The following ATP8B4 variants were observed in gnomAD, a reference collection of about 807,000 sequenced individuals.
ATP8B4 encodes the protein ATPase phospholipid transporting 8B4 (putative), also known as probable phospholipid-transporting ATPase IM.
A neutral mutation model predicts 145.6 loss-of-function variants in ATP8B4; 133 were observed. That is an observed-to-expected ratio of 0.91 (90% CI 0.79 to 1.05). The LOEUF is 1.05. ATP8B4 is among the 50% of genes least tolerant of loss of function. The probability of loss-of-function intolerance (pLI) is 0.00; values close to 1 mark genes in which losing one functional copy is unlikely to be tolerated. For synonymous variants in ATP8B4, 507 were observed against 492.9 expected (o/e 1.03, Z -0.38); for missense variants, 1,458 against 1,425.2 (o/e 1.02, Z -0.37).
At chr15:50,127,492 C>G (rs148647248) in intron 1 of ATP8B4, among the ~76,000 whole-genome samples, 64 of 152,270 alleles carry the variant, frequency 4.2e-4, no homozygotes, top group African/African-American at 1.5e-3. Context: ...AGTTTGCCAT[C>G]ATCTCAGTAT....
At chr15:50,083,193 C>T (rs1474231754) in intron 2 of ATP8B4, among the ~76,000 whole-genome samples, 2 of 152,160 alleles carry the variant, frequency 1.3e-5, no homozygotes, top group Non-Finnish European at 2.9e-5. Flanking sequence ...CTGGGAAGGC[C>T]TTCCTGTAGT....
Position 49,979,752 on chromosome 15 carries a change from C to T in ATP8B4, c.899G>A (p.Ser300Asn), listed in dbSNP as rs1330945900. Residue 300 changes from serine to asparagine, a missense_variant, in exon 12 of 28, where the codon AGT (serine) becomes AAT (asparagine). Coordinates refer to ENST00000284509, the MANE Select transcript of ATP8B4 (RefSeq NM_024837.4). ...ILAIGNSIWE[S>N]QTGDQFRTFL... ...AGTTCTGAATTGGTCCCCAGTTTGACTCTCCCAGATTGAATTTCCTATTGC... is the reference window on the plus strand; with the variant it reads ...AGTTCTGAATTGGTCCCCAGTTTGATTCTCCCAGATTGAATTTCCTATTGC... 1 of 1,611,272 alleles carries T rather than the reference C, an allele frequency of 6.2e-7. No homozygotes were observed. Among genetic ancestry groups the T allele is most frequent in the Admixed American group, 1.7e-5 (1 of 59,876 alleles).
intron 1 of ATP8B4, among the ~76,000 whole-genome samples, chr15:50,116,637 C>T (rs949397711): frequency 8.5e-5 from 13 of 152,152 alleles, no homozygotes; most frequent in Non-Finnish European, 1.3e-4. Context: ...GGACAGAGGA[C>T]GAGGAACAAG....
intron 5 of ATP8B4, among the ~76,000 whole-genome samples, chr15:50,041,726 G>A (rs886903145): frequency 4.6e-5 from 7 of 152,202 alleles, no homozygotes; most frequent in African/African-American, 1.7e-4. Flanking sequence ...GGCAGATCAC[G>A]AGGTCAGATC....
At chr15:49,862,111 G>T in intron 27 of ATP8B4, 134 bp downstream of exon 27, 2 of 1,136,338 alleles carry the variant, frequency 1.8e-6, no homozygotes, top group Non-Finnish European at 2.5e-6. Context: ...ATTCTGATGT[G>T]ATCTCATGCA....
chr15:50,084,088 C>T (rs1482520941), intron 2 of ATP8B4, among the ~76,000 whole-genome samples: 1 of 152,118 alleles, frequency 6.6e-6, no homozygotes, highest in African/African-American at 2.4e-5. Flanking sequence ...ATATACAAAC[C>T]ATGGAGTGTG....
Position 50,041,719 on chromosome 15 carries a change from A to T in ATP8B4, c.300+2875T>A, listed in dbSNP as rs150426278. On this transcript the variant is annotated intron_variant, in intron 5 of 27. Coordinates refer to ENST00000284509, the MANE Select transcript of ATP8B4 (RefSeq NM_024837.4). ...AGGACTTTGAGAAGCCAAGGCAGGC[A>T]GATCACGAGGTCAGATCGAGACCAT... 9.5e-4 allele frequency among the ~76,000 whole-genome samples: 145 copies of T among 152,326 alleles called. 3 individuals are homozygous for T. The East Asian group carries it at 0.023, about 24-fold the overall frequency.
intron 9 of ATP8B4, among the ~76,000 whole-genome samples, chr15:49,994,062 T>A (rs1305106502): frequency 6.6e-6 from 1 of 152,180 alleles, no homozygotes; most frequent in Non-Finnish European, 1.5e-5. Context: ...TCCTTTAACT[T>A]CTCAAGACCT....
chr15:50,145,118 T>C (rs2044260638), intron 1 of ATP8B4, among the ~76,000 whole-genome samples: 1 of 152,246 alleles, frequency 6.6e-6, no homozygotes. Context: ...AAAATGAACC[T>C]TGATATTTAG....
chr15:50,039,196 T>G (rs2051078360), intron 5 of ATP8B4, among the ~76,000 whole-genome samples: 1 of 152,258 alleles, frequency 6.6e-6, no homozygotes, highest in Non-Finnish European at 1.5e-5. Context: ...TTCTCTCCCA[T>G]GTGTACTGAA....
At chr15:50,051,407 A>C (rs2153612741) in intron 3 of ATP8B4, among the ~76,000 whole-genome samples, 1 of 152,342 alleles carries the variant, frequency 6.6e-6, no homozygotes, top group Non-Finnish European at 1.5e-5. Flanking sequence ...AACATTTGTC[A>C]GGAATCAAGG....
At chr15:49,948,865 T>A (rs530169169) in intron 14 of ATP8B4, among the ~76,000 whole-genome samples, 209 of 152,336 alleles carry the variant, frequency 1.4e-3, no homozygotes, top group African/African-American at 5.0e-3. Flanking sequence ...TGTAATGAAG[T>A]CTTTGCCCAT....
Position 50,158,016 on chromosome 15 carries a change from T to G in ATP8B4, c.-43+24245A>C, listed in dbSNP as rs546615272. Among the ~76,000 whole-genome samples the G allele has an allele frequency of 1.6e-4, 25 of 152,324 alleles. No individual in the cohort carries two copies. In the South Asian group the frequency reaches 5.0e-3, roughly 30 times the overall value. ...AAGTGATCCGCCAGCCTCGGCCTCC[T>G]GAGGTGCCGGGATTGCAGACGGAGT... On this transcript the variant is annotated intron_variant, in intron 1 of 3. Transcript: ENST00000558829.
chr15:50,140,298 T>C (rs1341517883), intron 1 of ATP8B4, among the ~76,000 whole-genome samples: 2 of 152,138 alleles, frequency 1.3e-5, no homozygotes, highest in Admixed American at 6.5e-5. Context: ...CAAAGCCTAG[T>C]AATGTGATAA....
chr15:50,066,019 G>T (rs1345924646), intron 3 of ATP8B4, among the ~76,000 whole-genome samples: 1 of 137,872 alleles, frequency 7.3e-6, no homozygotes, highest in Non-Finnish European at 1.6e-5. Flanking sequence ...AAAAAAAAAA[G>T]ATTAAAACAG....
intron 14 of ATP8B4, among the ~76,000 whole-genome samples, chr15:49,959,556 A>T (rs1599435343): frequency 1.3e-5 from 2 of 152,152 alleles, no homozygotes; most frequent in Non-Finnish European, 2.9e-5. Flanking sequence ...GTATGGTTAT[A>T]TACTTGGAAA....
chr15:49,995,504 G>A (rs1239843785), intron 9 of ATP8B4, among the ~76,000 whole-genome samples: 2 of 152,012 alleles, frequency 1.3e-5, no homozygotes, highest in Non-Finnish European at 2.9e-5. Context: ...TCAATTCGGA[G>A]GAATTTTTTT....
intron 6 of ATP8B4, among the ~76,000 whole-genome samples, chr15:50,019,268 A>G (rs2049339817): frequency 6.6e-6 from 1 of 152,222 alleles, no homozygotes; most frequent in Non-Finnish European, 1.5e-5. Context: ...ACTGGAAAAC[A>G]TGCACTTGAG....
chr15:50,019,316 T>C (rs954500561), intron 6 of ATP8B4, among the ~76,000 whole-genome samples: 5 of 152,114 alleles, frequency 3.3e-5, no homozygotes, highest in East Asian at 1.9e-4. Flanking sequence ...AGGCAAGATA[T>C]TGATTGAGAC....
Sources: allele counts gnomAD v4.1 joint callset (sites outside exome capture counted in the v4.1 genomes callset), GRCh38; gene constraint gnomAD v4.1.1; transcripts MANE v1.5; gene names NCBI Gene and HGNC (gene_info 2026-07-23, HGNC 2026-07-21).